TRDMT1: variants seen among roughly 807,000 people sequenced by gnomAD.
The protein encoded by TRDMT1 is tRNA aspartic acid methyltransferase 1, also known as tRNA (cytosine(38)-C(5))-methyltransferase.
In TRDMT1, 49 loss-of-function variants were observed where a neutral mutation model predicts 51.2. The observed-to-expected ratio is 0.96, with a 90% CI of 0.76 to 1.21. The LOEUF is 1.21. TRDMT1 is among the 50% of genes most tolerant of loss of function. The pLI is 0.00. For synonymous variants in TRDMT1, 187 were observed against 164.6 expected (o/e 1.14, Z -1.04); for missense variants, 534 against 462.3 (o/e 1.16, Z -1.42).
rs1837742216 is a variant in TRDMT1, at chr10:17,142,200, G to C, written c.*6840C>G. Reference sequence around the variant, plus strand: ...TTCTTATTCAAGTTGTGATTTTTCTGGTTCTTGGTATGACAGGCTATTTTA... The same window carrying C: ...TTCTTATTCAAGTTGTGATTTTTCTCGTTCTTGGTATGACAGGCTATTTTA... On this transcript the variant is annotated 3_prime_UTR_variant, in exon 11 of 11. Coordinates refer to ENST00000377799, the MANE Select transcript of TRDMT1 (RefSeq NM_004412.7). The C allele has an allele frequency of 6.6e-6, 1 of 152,084 alleles. No homozygotes were observed. Among genetic ancestry groups the C allele is most frequent in the Non-Finnish European group, 1.5e-5 (1 of 68,002 alleles). The allele number at this position is 152,084 out of a possible 1,614,324, so 9.4% of individuals were successfully genotyped here.
chr10:17,161,851 G>A (rs373625908), intron 4 of TRDMT1, among the ~76,000 whole-genome samples: 5 of 152,226 alleles, frequency 3.3e-5, no homozygotes, highest in African/African-American at 1.2e-4. Context: ...GGCTTTAAGG[G>A]TTTGCACATA....
intron 1 of TRDMT1, among the ~76,000 whole-genome samples, chr10:17,192,163 T>G (rs541372049): frequency 5.9e-5 from 9 of 152,220 alleles, no homozygotes; most frequent in African/African-American, 2.2e-4. Flanking sequence ...GTTATAAATA[T>G]AGTCTGAAGG....
chr10:17,138,170 A>C lies in TRDMT1; in HGVS notation c.*10870T>G, dbSNP rs6602178. 0.51 allele frequency among the ~76,000 whole-genome samples: 77,296 copies of C among 151,970 alleles called. 19,820 individuals are homozygous for C. Among genetic ancestry groups the C allele is most frequent in the South Asian group, 0.57 (2,754 of 4,816 alleles). On this transcript the variant is annotated 3_prime_UTR_variant, in exon 11 of 11. Coordinates refer to ENST00000377799, the MANE Select transcript of TRDMT1 (RefSeq NM_004412.7). Reference sequence around the variant, plus strand: ...AGCTCCCATTACATGTTATAGCTTCAATCTGGCTTTTGTGCTTTTTTTAGT... The same window carrying C: ...AGCTCCCATTACATGTTATAGCTTCCATCTGGCTTTTGTGCTTTTTTTAGT...
chr10:17,173,074 A>T (rs1842229445), intron 2 of TRDMT1, among the ~76,000 whole-genome samples: 1 of 152,190 alleles, frequency 6.6e-6, no homozygotes, highest in Non-Finnish European at 1.5e-5. Flanking sequence ...TTAGTGAAGA[A>T]TAATGAATTT....
chr10:17,145,951 C>G lies in TRDMT1; in HGVS notation c.*3089G>C. 1 of 985,440 alleles carries G rather than the reference C, an allele frequency of 1.0e-6. No individual in the cohort carries two copies. Among genetic ancestry groups the G allele is most frequent in the South Asian group, 4.7e-5 (1 of 21,286 alleles). 61.0% of individuals were successfully genotyped at this position (985,440 alleles called of 1,614,324 possible). A position where few individuals can be genotyped will look rare whatever the true frequency, so the allele number is the denominator to read the frequency against. On this transcript the variant is annotated 3_prime_UTR_variant, in exon 11 of 11. Transcript: ENST00000377799. Reference sequence around the variant, plus strand: ...AAGTCTCCAGCTTAATCACTCTAGACCTCAACTAGGTTGAGATGGGAGCAA... The same window carrying G: ...AAGTCTCCAGCTTAATCACTCTAGAGCTCAACTAGGTTGAGATGGGAGCAA...
chr10:17,167,884 A>G (rs549325985), intron 3 of TRDMT1, among the ~76,000 whole-genome samples: 2 of 152,332 alleles, frequency 1.3e-5, no homozygotes, highest in African/African-American at 4.8e-5. Context: ...TGGGCTGGAA[A>G]TAAACATTGT....
At chr10:17,155,489 G>A (rs576504099) in intron 8 of TRDMT1, among the ~76,000 whole-genome samples, 6 of 151,946 alleles carry the variant, frequency 3.9e-5, no homozygotes, top group East Asian at 1.9e-4. Context: ...GGAACCCACC[G>A]CCCTGCTCTC....
chr10:17,145,705 T>A lies in TRDMT1; in HGVS notation c.*3335A>T, dbSNP rs116757696. The A allele has an allele frequency of 1.4e-3, 1,405 of 985,448 alleles. 20 individuals are homozygous for A. The African/African-American group carries it at 0.021, about 15-fold the overall frequency. 61.0% of individuals were successfully genotyped at this position (985,448 alleles called of 1,614,324 possible). On this transcript the variant is annotated 3_prime_UTR_variant, in exon 11 of 11. Transcript: ENST00000377799. ...AAAATTTGGTCCTTATTGTGTTATCTTGGCTTTTTTAGAAACCGCTTGTTT... is the reference window on the plus strand; with the variant it reads ...AAAATTTGGTCCTTATTGTGTTATCATGGCTTTTTTAGAAACCGCTTGTTT...
At chr10:17,157,854 G>C in intron 7 of TRDMT1, 70 bp from the exon 8 acceptor site, 5 of 1,247,426 alleles carry the variant, frequency 4.0e-6, no homozygotes, top group Non-Finnish European at 5.5e-6. Context: ...ACAATGTCCA[G>C]TCAACATTAC....
intron 1 of TRDMT1, among the ~76,000 whole-genome samples, chr10:17,189,482 T>C (rs886583028): frequency 3.3e-5 from 5 of 152,174 alleles, no homozygotes; most frequent in Non-Finnish European, 4.4e-5. Context: ...GAAATCTCAC[T>C]GGATGGAGAA....
At chr10:17,192,393 T>C (rs7901017) in intron 1 of TRDMT1, among the ~76,000 whole-genome samples, 9,730 of 152,216 alleles carry the variant, frequency 0.064, 1,001 homozygotes, top group African/African-American at 0.22. Flanking sequence ...CTAATAGAAA[T>C]ATTACAGAGA....
At position 17,146,042 on chromosome 10, in the gene TRDMT1, A is replaced by C. The variant is rs145451810; in HGVS notation, c.*2998T>G. On this transcript the variant is annotated 3_prime_UTR_variant, in exon 11 of 11. Coordinates refer to ENST00000377799, the MANE Select transcript of TRDMT1 (RefSeq NM_004412.7). ...CCAATGCGTTGAATTGCCTGCACTC[A>C]TCTCTAACCCCATCCAATTTTACAT... The C allele has an allele frequency of 2.3e-4, 230 of 985,408 alleles. No individual in the cohort carries two copies. The African/African-American group carries it at 3.7e-3, about 16-fold the overall frequency. The allele number at this position is 985,408 out of a possible 1,614,324, so 61.0% of individuals were successfully genotyped here.
At chr10:17,171,866 A>G (rs1191427803) in intron 2 of TRDMT1, 2 of 156,862 alleles carry the variant, frequency 1.3e-5, no homozygotes, top group Non-Finnish European at 2.9e-5. Context: ...AGAAGGGCTC[A>G]TGGATGTTAT....
chr10:17,200,199 C>CA (rs1392484049), intron 1 of TRDMT1, among the ~76,000 whole-genome samples: 1 of 151,944 alleles, frequency 6.6e-6, no homozygotes, highest in Non-Finnish European at 1.5e-5. Flanking sequence ...ACTGTACTTG[C>CA]AAAAAAACTG....
At chr10:17,171,111 ATGTGTGTGTGTG>A (rs66891484) in intron 2 of TRDMT1, among the ~76,000 whole-genome samples, 1 of 142,824 alleles carries the variant, frequency 7.0e-6, no homozygotes, top group African/African-American at 2.6e-5. Context: ...CTGGATTTAG[ATGTGTGTGTGTG>A]TGTGTGTGTG....
intron 1 of TRDMT1, 72 bp downstream of exon 1, chr10:17,201,499 C>G: frequency 8.2e-7 from 1 of 1,217,210 alleles, no homozygotes; most frequent in Non-Finnish European, 1.2e-6. Context: ...GCCGCTCCGC[C>G]CCTTCCCGGC....
intron 9 of TRDMT1, among the ~76,000 whole-genome samples, chr10:17,154,419 G>A (rs1360305160): frequency 6.6e-6 from 1 of 151,526 alleles, no homozygotes; most frequent in African/African-American, 2.4e-5. Flanking sequence ...TACTATTTAT[G>A]GAATAAAAGA....
intron 10 of TRDMT1, among the ~76,000 whole-genome samples, chr10:17,149,632 T>C (rs1464240666): frequency 6.6e-6 from 1 of 152,124 alleles, no homozygotes; most frequent in Non-Finnish European, 1.5e-5. Flanking sequence ...TTCGTACCTA[T>C]TAGCAGTCAC....
chr10:17,164,410 T>A (rs1039812930), intron 3 of TRDMT1, among the ~76,000 whole-genome samples: 7 of 152,156 alleles, frequency 4.6e-5, no homozygotes, highest in Admixed American at 1.3e-4. Flanking sequence ...ACAGCCAATA[T>A]CATACCGAAT....
Sources: gnomAD v4.1 joint callset for allele counts (sites outside exome capture counted in the v4.1 genomes callset) on GRCh38, gnomAD v4.1.1 for gene constraint, MANE v1.5 for transcripts, NCBI Gene and HGNC (gene_info 2026-07-23, HGNC 2026-07-21) for gene names.